Variants in ROBO2 observed in about 807,000 individuals in gnomAD.
The protein encoded by ROBO2 is roundabout guidance receptor 2, also known as roundabout homolog 2.
A neutral mutation model predicts 160.8 loss-of-function variants in ROBO2; 53 were observed. The observed-to-expected ratio is 0.33, with a 90% confidence interval of 0.26 to 0.41. ROBO2 has a LOEUF of 0.41. Among genes scored for constraint, ROBO2 ranks in the 10% least tolerant of loss-of-function variants. The pLI is 1.00. For synonymous variants in ROBO2, 664 were observed against 611.7 expected, an observed-to-expected ratio of 1.09 and a Z score of -1.26; for missense variants, 1,577 against 1,722.4, an observed-to-expected ratio of 0.92 and a Z score of 1.49.
In ROBO2 at chr3:76,580,619, A is replaced by T. The variant is rs1484246182; in HGVS notation, c.110-517395A>T. The stretch of plus-strand genomic sequence containing the variant: ...TTTTCCCTCCTATTGGCCAACAACC[A>T]CCCTTTTAACCCCCAAGAATAAATA... On this transcript the variant is annotated intron_variant, in intron 2 of 26. Transcript: ENST00000487694. 4.5e-4 allele frequency among the ~76,000 whole-genome samples: 68 copies of T among 151,470 alleles called. 1 individual carries two copies. The highest frequency in any genetic ancestry group is 4.4e-3 in the Admixed American group (67 of 15,206).
chr3:77,114,811 T>A (rs2074037187), intron 2 of ROBO2, among the ~76,000 whole-genome samples: 1 of 152,188 alleles, frequency 6.6e-6, no homozygotes. Context: ...GACTTACACC[T>A]TGTATATAAA....
chr3:76,318,962 G>T (rs1279779237), intron 2 of ROBO2, among the ~76,000 whole-genome samples: 1 of 152,016 alleles, frequency 6.6e-6, no homozygotes, highest in Non-Finnish European at 1.5e-5. Flanking sequence ...TCAAGACTGG[G>T]GATATTTTAG....
At chr3:76,049,403 A>ATATATATATATTTTTTTTTT (rs1414664360) in intron 2 of ROBO2, among the ~76,000 whole-genome samples, 3 of 53,762 alleles carry the variant, frequency 5.6e-5, no homozygotes, top group East Asian at 1.3e-3. Flanking sequence ...ATATATATAT[A>ATATATATATATTTTTTTTTT]TTTTTTTTTT....
chr3:77,461,868 G>T (rs2082279244), intron 2 of ROBO2, among the ~76,000 whole-genome samples: 1 of 151,914 alleles, frequency 6.6e-6, no homozygotes, highest in Non-Finnish European at 1.5e-5. Context: ...TGGGATTACA[G>T]GCCCGTGCCA....
At chr3:76,788,298 T>A (rs546944547) in intron 2 of ROBO2, among the ~76,000 whole-genome samples, 79 of 151,654 alleles carry the variant, frequency 5.2e-4, no homozygotes, top group African/African-American at 1.8e-3. Context: ...TCTAATAAAC[T>A]CCACTCTCCT....
chr3:76,110,754 A>T (rs2070191326), intron 2 of ROBO2, among the ~76,000 whole-genome samples: 1 of 152,148 alleles, frequency 6.6e-6, no homozygotes, highest in African/African-American at 2.4e-5. Context: ...AACTAAAAAA[A>T]GTATTAAGAA....
chr3:76,695,631 A>G (rs1168084778), intron 2 of ROBO2, among the ~76,000 whole-genome samples: 1 of 152,182 alleles, frequency 6.6e-6, no homozygotes, highest in Non-Finnish European at 1.5e-5. Context: ...GATGGCAAAC[A>G]CTTGTGGTAC....
chr3:76,683,851 C>T (rs2092626379), intron 2 of ROBO2, among the ~76,000 whole-genome samples: 2 of 151,776 alleles, frequency 1.3e-5, no homozygotes, highest in Admixed American at 6.6e-5. Context: ...GTTTTATTCC[C>T]GTTTGAAATT....
At chr3:77,595,549 G>A (rs1022043161) in intron 18 of ROBO2, among the ~76,000 whole-genome samples, 1 of 152,100 alleles carries the variant, frequency 6.6e-6, no homozygotes, top group Non-Finnish European at 1.5e-5. Context: ...ACACATAATC[G>A]ATCACAAAGT....
At chr3:77,135,658 G>A (rs1288956108) in intron 2 of ROBO2, among the ~76,000 whole-genome samples, 8 of 151,800 alleles carry the variant, frequency 5.3e-5, no homozygotes, top group East Asian at 1.9e-4. Context: ...ATCTTCTTGC[G>A]TTGGCCTCTC....
At chr3:76,166,212 T>C (rs1174274075) in intron 2 of ROBO2, among the ~76,000 whole-genome samples, 1 of 152,146 alleles carries the variant, frequency 6.6e-6, no homozygotes, top group Non-Finnish European at 1.5e-5. Flanking sequence ...GACAATAAAA[T>C]GAGACATACC....
At chr3:76,242,563 T>C (rs1039133328) in intron 2 of ROBO2, among the ~76,000 whole-genome samples, 2 of 152,110 alleles carry the variant, frequency 1.3e-5, no homozygotes, top group Non-Finnish European at 2.9e-5. Flanking sequence ...CCTGAAAGCA[T>C]GTTCCCAAAT....
exon 26 of ROBO2, chr3:77,648,812 AAT>A (rs2095429969): frequency 6.6e-6 from 1 of 152,182 alleles, no homozygotes; most frequent in Admixed American, 6.5e-5. Flanking sequence ...CGATTCAATG[AAT>A]ATGATTAGAA....
chr3:77,620,189 G>A (rs1398531807), intron 22 of ROBO2, among the ~76,000 whole-genome samples: 3 of 152,130 alleles, frequency 2.0e-5, no homozygotes, highest in Non-Finnish European at 4.4e-5. Context: ...GAGCTTGCAT[G>A]TGCTTCTGGT....
At chr3:76,609,141 G>T (rs1370091169) in intron 2 of ROBO2, among the ~76,000 whole-genome samples, 3 of 152,144 alleles carry the variant, frequency 2.0e-5, no homozygotes, top group Non-Finnish European at 4.4e-5. Flanking sequence ...GCATGTTCTT[G>T]GCACCTTTGT....
chr3:77,567,959 T>A (rs2093532660), intron 12 of ROBO2, among the ~76,000 whole-genome samples: 1 of 152,044 alleles, frequency 6.6e-6, no homozygotes, highest in Admixed American at 6.6e-5. Flanking sequence ...ACAAAGCTGC[T>A]CTTTCTAGAG....
At chr3:76,169,212 CTG>C (rs932109455) in intron 2 of ROBO2, among the ~76,000 whole-genome samples, 3 of 152,116 alleles carry the variant, frequency 2.0e-5, no homozygotes, top group South Asian at 2.1e-4. Context: ...GATGAGAAAA[CTG>C]TGGCTCACAG....
rs1336333176 is a variant in ROBO2 at position 76,582,853 on chromosome 3, T to C, written c.110-515161T>C. ...TGTTGACTAGCAACTTTTCCTAACA[T>C]GTGAACCTATTTTGAGATTTGGTAG... On this transcript the variant is annotated intron_variant, in intron 2 of 26. Transcript: ENST00000487694. Among the ~76,000 whole-genome samples, 8 of 152,102 alleles carry C rather than the reference T, an allele frequency of 5.3e-5. No individual in the cohort carries two copies. In the East Asian group the frequency reaches 7.7e-4, roughly 15 times the overall value.
chr3:76,594,641 C>T (rs531382483), intron 2 of ROBO2, among the ~76,000 whole-genome samples: 1 of 151,914 alleles, frequency 6.6e-6, no homozygotes, highest in Admixed American at 6.6e-5. Flanking sequence ...TCCTCTGTCT[C>T]CATTAGAACG....
Sources: gnomAD v4.1 joint callset for allele counts (sites outside exome capture counted in the v4.1 genomes callset) on GRCh38, gnomAD v4.1.1 for gene constraint, MANE v1.5 for transcripts, NCBI Gene and HGNC (gene_info 2026-07-23, HGNC 2026-07-21) for gene names.